Variants in ENOX1 observed in about 807,000 individuals in gnomAD.
The protein encoded by ENOX1 is candidate growth-related and time keeping constitutive hydroquinone (NADH) oxidase.
ENOX1 carries 42 observed loss-of-function variants against 82.5 expected under a neutral mutation model. The observed-to-expected ratio is 0.51, with a 90% CI of 0.40 to 0.66. The LOEUF (loss-of-function observed/expected upper bound fraction) is 0.66. Among genes scored for constraint, ENOX1 ranks in the 30% least tolerant of loss-of-function variants. The pLI, the probability that ENOX1 is intolerant of heterozygous loss-of-function variation, is 0.00. For missense variants in ENOX1, 608 were observed against 811.6 expected (o/e 0.75, Z 3.05); for synonymous variants, 271 against 282.2 (o/e 0.96, Z 0.40).
intron 3 of ENOX1, among the ~76,000 whole-genome samples, chr13:43,479,733 A>G (rs552307347): frequency 3.9e-5 from 6 of 152,314 alleles, no homozygotes; most frequent in African/African-American, 1.4e-4. Context: ...AAAGGGGGCT[A>G]CACCCAGCTC....
chr13:43,616,501 C>T lies in ENOX1; in HGVS notation c.-219+50978G>A, dbSNP rs561003274. On this transcript the variant is annotated intron_variant, in intron 2 of 16. Coordinates refer to ENST00000690772, the MANE Select transcript of ENOX1 (RefSeq NM_001347969.2). The stretch of plus-strand genomic sequence containing the variant: ...ACAGACACGAGCCACCATACCCAGC[C>T]GACATATAATATTTTTAAATCCTTT... Among the ~76,000 whole-genome samples, 20 of 151,514 alleles carry T rather than the reference C, an allele frequency of 1.3e-4. No homozygotes were observed. In the East Asian group the frequency reaches 2.5e-3, roughly 19 times the overall value.
intron 2 of ENOX1, among the ~76,000 whole-genome samples, chr13:43,500,346 C>T: frequency 6.6e-6 from 1 of 152,090 alleles, no homozygotes; most frequent in East Asian, 1.9e-4. Context: ...AAAAAGGACT[C>T]CTCACATATA....
intron 2 of ENOX1, among the ~76,000 whole-genome samples, chr13:43,486,173 G>C (rs985174680): frequency 1.3e-5 from 2 of 152,170 alleles, no homozygotes; most frequent in Admixed American, 6.5e-5. Flanking sequence ...TCGTACCACT[G>C]CATTCCAGCC....
chr13:43,513,987 G>T (rs1301038832), intron 2 of ENOX1, among the ~76,000 whole-genome samples: 1 of 151,980 alleles, frequency 6.6e-6, no homozygotes, highest in African/African-American at 2.4e-5. Flanking sequence ...TTTATGTTCA[G>T]GTACATTTAT....
chr13:43,531,278 A>G (rs1247558687), intron 2 of ENOX1, among the ~76,000 whole-genome samples: 2 of 152,174 alleles, frequency 1.3e-5, no homozygotes, highest in East Asian at 3.9e-4. Flanking sequence ...ATGAATAGAC[A>G]CTTCTCAAAA....
intron 16 of ENOX1, among the ~76,000 whole-genome samples, chr13:43,218,178 G>A (rs2041590646): frequency 6.6e-6 from 1 of 152,184 alleles, no homozygotes; most frequent in Admixed American, 6.5e-5. Flanking sequence ...TTAGTGTAAT[G>A]GGAATTAATC....
At chr13:43,624,952 A>C (rs1380703610) in intron 2 of ENOX1, among the ~76,000 whole-genome samples, 1 of 152,064 alleles carries the variant, frequency 6.6e-6, no homozygotes, top group African/African-American at 2.4e-5. Flanking sequence ...AGGAATTGCT[A>C]CCAATATCTA....
At chr13:43,750,315 G>C (rs1348898813) in intron 1 of ENOX1, among the ~76,000 whole-genome samples, 1 of 152,174 alleles carries the variant, frequency 6.6e-6, no homozygotes. Context: ...AAGGCTCCAT[G>C]CTTTGTGCCA....
chr13:43,460,972 G>C (rs1451933620), intron 3 of ENOX1, among the ~76,000 whole-genome samples: 5 of 152,274 alleles, frequency 3.3e-5, no homozygotes, highest in Non-Finnish European at 5.9e-5. Flanking sequence ...CTGCTAAGCA[G>C]CTATGTACAA....
rs192737196 is a variant in ENOX1 at position 43,265,521 on chromosome 13, A to G, written c.1555-67T>C. Reference sequence around the variant, plus strand: ...ATAAGCAAGCAAATCTCTTAAGTATATCATCTTGTTAACTGATTTATCTGA... The same window carrying G: ...ATAAGCAAGCAAATCTCTTAAGTATGTCATCTTGTTAACTGATTTATCTGA... On this transcript the variant is annotated intron_variant, in intron 13 of 16. Transcript: ENST00000690772. 122 of 1,335,774 alleles carry G rather than the reference A, an allele frequency of 9.1e-5. No homozygotes were observed. In the East Asian group the frequency reaches 2.6e-3, roughly 28 times the overall value. The allele number at this position is 1,335,774 out of a possible 1,614,324, so 82.7% of individuals were successfully genotyped here.
At chr13:43,731,835 T>C (rs564827737) in intron 1 of ENOX1, among the ~76,000 whole-genome samples, 3 of 152,326 alleles carry the variant, frequency 2.0e-5, no homozygotes, top group African/African-American at 7.2e-5. Context: ...TCACGATTTA[T>C]AATACATAAT....
chr13:43,493,368 A>C (rs969012207), intron 2 of ENOX1, among the ~76,000 whole-genome samples: 1 of 152,224 alleles, frequency 6.6e-6, no homozygotes, highest in African/African-American at 2.4e-5. Flanking sequence ...TTCAAGTCTG[A>C]AGGCCTTAGA....
At chr13:43,511,444 A>G (rs1337949692) in intron 2 of ENOX1, among the ~76,000 whole-genome samples, 1 of 152,156 alleles carries the variant, frequency 6.6e-6, no homozygotes, top group African/African-American at 2.4e-5. Context: ...GCTCCATAGT[A>G]CTGAAATCCA....
chr13:43,609,236 T>A (rs2082097527), intron 2 of ENOX1, among the ~76,000 whole-genome samples: 2 of 152,220 alleles, frequency 1.3e-5, no homozygotes, highest in African/African-American at 4.8e-5. Context: ...TGTATGTATC[T>A]GTGAATGAAG....
At chr13:43,696,640 A>C (rs1162587971) in intron 1 of ENOX1, among the ~76,000 whole-genome samples, 1 of 152,142 alleles carries the variant, frequency 6.6e-6, no homozygotes, top group African/African-American at 2.4e-5. Context: ...TTCAGAGAAC[A>C]ATTTAGGAAG....
chr13:43,600,850 G>A lies in ENOX1; in HGVS notation c.-219+66629C>T, dbSNP rs1285566987. Among the ~76,000 whole-genome samples, 6 of 152,156 alleles carry A rather than the reference G, an allele frequency of 3.9e-5. No homozygotes were observed. In the East Asian group the frequency reaches 7.7e-4, roughly 20 times the overall value. On this transcript the variant is annotated intron_variant, in intron 2 of 16. Coordinates refer to ENST00000690772, the MANE Select transcript of ENOX1 (RefSeq NM_001347969.2). ...TGAGAGAGAGACTCTGTTTGTCTGG[G>A]AGAAAGTAAGGGAAGAGAAGAAGAG...
intron 5 of ENOX1, among the ~76,000 whole-genome samples, chr13:43,398,416 A>G (rs1349053946): frequency 6.6e-6 from 1 of 152,084 alleles, no homozygotes; most frequent in Non-Finnish European, 1.5e-5. Flanking sequence ...AGGGACTCAA[A>G]CTTTAGTTGC....
intron 2 of ENOX1, among the ~76,000 whole-genome samples, chr13:43,617,174 G>C (rs1229977500): frequency 6.6e-6 from 1 of 152,186 alleles, no homozygotes; most frequent in Non-Finnish European, 1.5e-5. Flanking sequence ...TCATGAGCTA[G>C]AATGTATTCC....
At chr13:43,702,668 G>A (rs1421928649) in intron 1 of ENOX1, among the ~76,000 whole-genome samples, 1 of 152,110 alleles carries the variant, frequency 6.6e-6, no homozygotes, top group Non-Finnish European at 1.5e-5. Flanking sequence ...AAAGAAGTCT[G>A]GGCTGGGCGC....
Sources: gnomAD v4.1 joint callset for allele counts (sites outside exome capture counted in the v4.1 genomes callset) on GRCh38, gnomAD v4.1.1 for gene constraint, MANE v1.5 for transcripts, NCBI Gene and HGNC (gene_info 2026-07-23, HGNC 2026-07-21) for gene names.